Variants in TRABD2B observed in about 807,000 individuals in gnomAD.
TRABD2B encodes metalloprotease TIKI2.
TRABD2B carries 14 observed loss-of-function variants against 40.1 expected under a neutral mutation model. The observed-to-expected ratio is 0.35, with a 90% CI of 0.23 to 0.55. The LOEUF (loss-of-function observed/expected upper bound fraction) is 0.55. Among genes scored for constraint, TRABD2B ranks in the 20% least tolerant of loss-of-function variants. The pLI, the probability that TRABD2B is intolerant of heterozygous loss-of-function variation, is 0.90. For synonymous variants in TRABD2B, 263 were observed against 277.0 expected (o/e 0.95, Z 0.50); for missense variants, 541 against 648.6 (o/e 0.83, Z 1.80).
intron 6 of TRABD2B, among the ~76,000 whole-genome samples, chr1:47,767,247 G>A (rs1644317120): frequency 6.6e-6 from 1 of 152,184 alleles, no homozygotes. Context: ...GCAGGCAGGA[G>A]GCAGACAGAG....
In TRABD2B at chr1:47,849,826, AC is replaced by A. The variant is rs1230422743; in HGVS notation, c.667-48208del. On this transcript the variant is annotated intron_variant, in intron 2 of 6. Transcript: ENST00000606738. Reference sequence around the variant, plus strand: ...TGCTTTTGTTACCACTGTGGTCAGCACCCTGCCTTACACAACTGCCTTCCTG... The same window carrying A: ...TGCTTTTGTTACCACTGTGGTCAGCACCTGCCTTACACAACTGCCTTCCTG... Among the ~76,000 whole-genome samples the A allele has an allele frequency of 3.9e-5, 6 of 152,304 alleles. No homozygotes were observed. The East Asian group carries it at 1.2e-3, about 29-fold the overall frequency.
chr1:47,884,818 G>A (rs965952913), intron 2 of TRABD2B, among the ~76,000 whole-genome samples: 2 of 152,024 alleles, frequency 1.3e-5, no homozygotes, highest in African/African-American at 4.8e-5. Context: ...GTTTCACCAT[G>A]TTGGCCAGGC....
At chr1:47,986,670 C>T (rs1218165862) in intron 2 of TRABD2B, among the ~76,000 whole-genome samples, 1 of 152,084 alleles carries the variant, frequency 6.6e-6, no homozygotes, top group African/African-American at 2.4e-5. Flanking sequence ...CAGCTTTAAG[C>T]TGAGCCTTGA....
At chr1:47,797,915 T>C (rs975239655) in intron 3 of TRABD2B, among the ~76,000 whole-genome samples, 16 of 152,108 alleles carry the variant, frequency 1.1e-4, no homozygotes. Flanking sequence ...ATGAGTTCAG[T>C]GTAGTCTTCC....
intron 2 of TRABD2B, among the ~76,000 whole-genome samples, chr1:47,803,328 C>T (rs569182062): frequency 1.2e-3 from 182 of 152,368 alleles, no homozygotes; most frequent in African/African-American, 4.2e-3. Context: ...CAAGGGGATG[C>T]TAGTAACCAT....
At chr1:47,954,100 G>A (rs756589151) in intron 2 of TRABD2B, among the ~76,000 whole-genome samples, 2 of 152,208 alleles carry the variant, frequency 1.3e-5, no homozygotes, top group Non-Finnish European at 2.9e-5. Flanking sequence ...AGAAATGCAA[G>A]TAACAAGGAA....
At chr1:47,984,547 G>A (rs1645891534) in intron 2 of TRABD2B, among the ~76,000 whole-genome samples, 1 of 152,218 alleles carries the variant, frequency 6.6e-6, no homozygotes, top group South Asian at 2.1e-4. Context: ...ACCAGCAGGC[G>A]GCTTTATGCA....
intron 2 of TRABD2B, among the ~76,000 whole-genome samples, chr1:47,947,316 G>A (rs774813920): frequency 5.3e-5 from 8 of 151,958 alleles, no homozygotes; most frequent in South Asian, 2.1e-4. Flanking sequence ...TTTCTCCCAC[G>A]TTAACAGCAA....
At chr1:47,933,483 CTA>C (rs1557665209) in intron 2 of TRABD2B, among the ~76,000 whole-genome samples, 1 of 152,150 alleles carries the variant, frequency 6.6e-6, no homozygotes, top group East Asian at 1.9e-4. Flanking sequence ...ACATATGAGA[CTA>C]TGAAACAACC....
At chr1:47,768,372 C>T (rs1644333726) in intron 6 of TRABD2B, among the ~76,000 whole-genome samples, 1 of 152,118 alleles carries the variant, frequency 6.6e-6, no homozygotes, top group Admixed American at 6.5e-5. Flanking sequence ...CCTTACACAC[C>T]CACAGAATCA....
rs530028324 is a variant in TRABD2B at position 47,996,199 on chromosome 1, G to A, written c.102+489C>T. ...GATGGAGGTGAGAACGAGGAACAGG[G>A]AGAAAGTTTGTCTTAGGTCAGAGTG... On this transcript the variant is annotated intron_variant, in intron 1 of 6. Transcript: ENST00000606738. This position sits in a 1 kb window ranked among gnomAD's most constrained non-coding sequence, Gnocchi z 4.6. Among the ~76,000 whole-genome samples the A allele has an allele frequency of 6.6e-6, 1 of 152,240 alleles. No individual in the cohort carries two copies. The highest frequency in any genetic ancestry group is 2.4e-5 in the African/African-American group (1 of 41,544).
chr1:47,906,882 C>T (rs1294819115), intron 2 of TRABD2B, among the ~76,000 whole-genome samples: 1 of 152,236 alleles, frequency 6.6e-6, no homozygotes, highest in Non-Finnish European at 1.5e-5. Context: ...GACCTGCCAA[C>T]ACCAATCCCT....
chr1:47,995,740 G>C (rs936530364), intron 1 of TRABD2B, among the ~76,000 whole-genome samples: 1 of 152,210 alleles, frequency 6.6e-6, no homozygotes, highest in African/African-American at 2.4e-5. Context: ...TGGGTTGTGG[G>C]AGAACAGTAC....
chr1:47,915,465 T>A (rs1644818596), intron 2 of TRABD2B, among the ~76,000 whole-genome samples: 1 of 152,194 alleles, frequency 6.6e-6, no homozygotes, highest in African/African-American at 2.4e-5. Context: ...GTGTATACGC[T>A]GCCTGGCCCA....
intron 2 of TRABD2B, among the ~76,000 whole-genome samples, chr1:47,851,167 G>A (rs1645545182): frequency 6.6e-6 from 1 of 152,138 alleles, no homozygotes; most frequent in African/African-American, 2.4e-5. Context: ...TGGGCTCACT[G>A]AGGACTGACT....
At chr1:47,971,234 T>C (rs1027961293) in intron 2 of TRABD2B, among the ~76,000 whole-genome samples, 9 of 152,148 alleles carry the variant, frequency 5.9e-5, no homozygotes, top group Non-Finnish European at 1.0e-4. Flanking sequence ...ATCTACTATA[T>C]ATAGGAATAT....
At chr1:47,801,234 C>A (rs770893105) in intron 3 of TRABD2B, among the ~76,000 whole-genome samples, 2 of 152,160 alleles carry the variant, frequency 1.3e-5, no homozygotes, top group South Asian at 4.1e-4. Context: ...GTCCTAGGCC[C>A]CAGAGCCACA....
intron 2 of TRABD2B, among the ~76,000 whole-genome samples, chr1:47,947,249 T>A (rs867980614): frequency 5.3e-5 from 8 of 152,218 alleles, no homozygotes; most frequent in Non-Finnish European, 1.0e-4. Context: ...CCATCTATTT[T>A]AAATCTTTTA....
intron 3 of TRABD2B, chr1:47,795,783 G>A (rs984302390): frequency 2.4e-6 from 2 of 827,624 alleles, no homozygotes; most frequent in African/African-American, 3.7e-5. Flanking sequence ...CCACTTTCCA[G>A]GACATAATGC....
Sources: allele counts gnomAD v4.1 joint callset (sites outside exome capture counted in the v4.1 genomes callset), GRCh38; gene constraint gnomAD v4.1.1; non-coding constraint Gnocchi (gnomAD v3.1); transcripts MANE v1.5; gene names NCBI Gene and HGNC (gene_info 2026-07-23, HGNC 2026-07-21).